Variants in TMEM132D observed in about 807,000 individuals in gnomAD.
The protein encoded by TMEM132D is transmembrane protein 132D, also known as mature OL transmembrane protein.
TMEM132D carries 21 observed loss-of-function variants against 62.3 expected under a neutral mutation model. The ratio of observed to expected loss-of-function variants is 0.34; its 90% CI spans 0.24 to 0.49. The LOEUF is 0.49. TMEM132D is among the 20% of genes least tolerant of loss of function. TMEM132D has a pLI of 0.99. For synonymous variants in TMEM132D, 621 were observed against 575.6 expected (o/e 1.08, Z -1.13); for missense variants, 1,346 against 1,402.8 (o/e 0.96, Z 0.65).
chr12:129,701,555 C>T (rs1283574967), intron 1 of TMEM132D, among the ~76,000 whole-genome samples: 3 of 152,180 alleles, frequency 2.0e-5, no homozygotes, highest in African/African-American at 7.2e-5. Flanking sequence ...CCGTCACCAA[C>T]GAACAAAATC....
At chr12:129,615,749 G>C (rs1878896595) in intron 2 of TMEM132D, among the ~76,000 whole-genome samples, 1 of 150,020 alleles carries the variant, frequency 6.7e-6, no homozygotes, top group African/African-American at 2.5e-5. Flanking sequence ...GGATGACAGA[G>C]CAAGACTCTG....
At chr12:129,494,334 G>A (rs1874886282) in intron 3 of TMEM132D, among the ~76,000 whole-genome samples, 1 of 152,136 alleles carries the variant, frequency 6.6e-6, no homozygotes, top group Non-Finnish European at 1.5e-5. Context: ...AGGTCAAGTG[G>A]CAGGATCAGA....
In TMEM132D at chr12:129,823,382, C is replaced by G. The variant is rs881002; in HGVS notation, c.79+79879G>C. Reference sequence around the variant, plus strand: ...AAATTCCAGACTCCTAGAAGAAAAGCAGGTGTCCTGCATAAGCCATATTTT... The same window carrying G: ...AAATTCCAGACTCCTAGAAGAAAAGGAGGTGTCCTGCATAAGCCATATTTT... On this transcript the variant is annotated intron_variant, in intron 1 of 8. Transcript: ENST00000422113. Among the ~76,000 whole-genome samples, 3 of 152,228 alleles carry G rather than the reference C, an allele frequency of 2.0e-5. No individual in the cohort carries two copies. The East Asian group carries it at 5.8e-4, about 29-fold the overall frequency.
At chr12:129,091,220 C>T (rs994216328) in intron 5 of TMEM132D, among the ~76,000 whole-genome samples, 1 of 137,914 alleles carries the variant, frequency 7.3e-6, no homozygotes. Context: ...GACCTTACTT[C>T]CGTTCACTTG....
intron 8 of TMEM132D, among the ~76,000 whole-genome samples, chr12:129,077,375 G>T (rs1357617941): frequency 6.6e-6 from 1 of 152,176 alleles, no homozygotes; most frequent in East Asian, 1.9e-4. Context: ...TGGGGCAAAA[G>T]AACTAATGAC....
chr12:129,897,999 G>A (rs1875204656), intron 1 of TMEM132D, among the ~76,000 whole-genome samples: 2 of 152,076 alleles, frequency 1.3e-5, no homozygotes, highest in African/African-American at 4.8e-5. Context: ...GCTATGACTT[G>A]GAGAAGTTAC....
At chr12:129,841,200 A>G (rs1012836738) in intron 1 of TMEM132D, among the ~76,000 whole-genome samples, 1 of 152,186 alleles carries the variant, frequency 6.6e-6, no homozygotes, top group Admixed American at 6.5e-5. Context: ...TGGAGTTACC[A>G]AAAGTTTTCA....
rs1403597924 is a variant in TMEM132D, at chr12:129,216,500, A to G, written c.1300-6837T>C. Among the ~76,000 whole-genome samples the G allele has an allele frequency of 3.3e-5, 5 of 152,322 alleles. No individual in the cohort carries two copies. In the East Asian group the frequency reaches 9.6e-4, roughly 29 times the overall value. On this transcript the variant is annotated intron_variant, in intron 4 of 8. Transcript: ENST00000422113. ...ATGGAGCCAGAGATTGGGGTGATCCATCCGTAAGCTGAGGAATATCAAGAA... is the reference window on the plus strand; with the variant it reads ...ATGGAGCCAGAGATTGGGGTGATCCGTCCGTAAGCTGAGGAATATCAAGAA...
rs185621348 is a variant in TMEM132D at position 129,381,850 on chromosome 12, C to T, written c.1116-44033G>A. ...GGAAATTACCAGGGTTCCAGAGGCTCCTCTCCACTCACTACCTGCTGCCCA... is the reference window on the plus strand; with the variant it reads ...GGAAATTACCAGGGTTCCAGAGGCTTCTCTCCACTCACTACCTGCTGCCCA... On this transcript the variant is annotated intron_variant, in intron 3 of 8. Transcript: ENST00000422113. Among the ~76,000 whole-genome samples the T allele has an allele frequency of 1.8e-4, 27 of 152,282 alleles. No individual in the cohort carries two copies. In the East Asian group the frequency reaches 4.8e-3, roughly 27 times the overall value.
intron 3 of TMEM132D, among the ~76,000 whole-genome samples, chr12:129,394,993 G>C (rs866502239): frequency 8.5e-5 from 13 of 152,280 alleles, no homozygotes; most frequent in Middle Eastern, 3.4e-3. Flanking sequence ...ATTATGCTTT[G>C]ATAAAGCTCT....
At chr12:129,166,151 A>G (rs1487430382) in intron 5 of TMEM132D, among the ~76,000 whole-genome samples, 1 of 152,232 alleles carries the variant, frequency 6.6e-6, no homozygotes, top group African/African-American at 2.4e-5. Flanking sequence ...AGGCACCACA[A>G]ACTCAAATGC....
intron 5 of TMEM132D, among the ~76,000 whole-genome samples, chr12:129,201,765 G>T (rs2135561605): frequency 6.6e-6 from 1 of 152,234 alleles, no homozygotes; most frequent in Non-Finnish European, 1.5e-5. Context: ...GAGAAAGATT[G>T]GGGGTAGGGG....
At chr12:129,787,246 A>G (rs1295270798) in intron 1 of TMEM132D, among the ~76,000 whole-genome samples, 1 of 152,150 alleles carries the variant, frequency 6.6e-6, no homozygotes, top group Non-Finnish European at 1.5e-5. Context: ...CTTATAGTTG[A>G]TCAAAGTCAG....
intron 5 of TMEM132D, among the ~76,000 whole-genome samples, chr12:129,165,268 C>T (rs568953413): frequency 6.6e-6 from 1 of 152,246 alleles, no homozygotes; most frequent in East Asian, 1.9e-4. Context: ...TAGTGATGTA[C>T]ATCTGGATGA....
At chr12:129,810,949 A>T (rs1872156176) in intron 1 of TMEM132D, among the ~76,000 whole-genome samples, 1 of 152,136 alleles carries the variant, frequency 6.6e-6, no homozygotes, top group African/African-American at 2.4e-5. Flanking sequence ...CATTCAAAGT[A>T]ACAGGAAAGT....
intron 5 of TMEM132D, among the ~76,000 whole-genome samples, chr12:129,182,574 G>A (rs1377901737): frequency 3.3e-5 from 5 of 152,208 alleles, no homozygotes; most frequent in Admixed American, 2.0e-4. Flanking sequence ...GAGAAGAGTT[G>A]GTTGTGTTTT....
rs1265070961 is a variant in TMEM132D, at chr12:129,277,873, C to T, written c.1299+59761G>A. Reference sequence around the variant, plus strand: ...GGCTTAAGAACTCCCTGGTTCATCTCACGGCGTCTTTTAAAACTCCACTCT... The same window carrying T: ...GGCTTAAGAACTCCCTGGTTCATCTTACGGCGTCTTTTAAAACTCCACTCT... On this transcript the variant is annotated intron_variant, in intron 4 of 8. Transcript: ENST00000422113. The surrounding 1 kb of genome is among the most constrained non-coding windows in gnomAD (Gnocchi z 4.2). Among the ~76,000 whole-genome samples the T allele has an allele frequency of 6.6e-6, 1 of 152,150 alleles. No individual in the cohort carries two copies. The highest frequency in any genetic ancestry group is 1.5e-5 in the Non-Finnish European group (1 of 68,048).
chr12:129,230,629 C>T (rs1879613748), intron 4 of TMEM132D, among the ~76,000 whole-genome samples: 1 of 152,198 alleles, frequency 6.6e-6, no homozygotes, highest in African/African-American at 2.4e-5. Context: ...AAGATGATCT[C>T]ATCCAGTCCC....
chr12:129,684,010 G>T, intron 2 of TMEM132D, among the ~76,000 whole-genome samples: 1 of 152,100 alleles, frequency 6.6e-6, no homozygotes, highest in East Asian at 1.9e-4. Context: ...TCAACTCAAG[G>T]TTACAAAGTG....
Sources: gnomAD v4.1 joint callset for allele counts (sites outside exome capture counted in the v4.1 genomes callset) on GRCh38, gnomAD v4.1.1 for gene constraint, Gnocchi (gnomAD v3.1) non-coding constraint, MANE v1.5 for transcripts, NCBI Gene and HGNC (gene_info 2026-07-23, HGNC 2026-07-21) for gene names.